Variants in TJP3 observed in about 807,000 individuals in gnomAD.
TJP3 encodes tight junction protein 3.
TJP3 carries 85 observed loss-of-function variants against 104.2 expected under a neutral mutation model. That is an observed-to-expected ratio of 0.82 (90% CI 0.68 to 0.98). TJP3 has a LOEUF of 0.98. TJP3 is among the 50% of genes least tolerant of loss of function. TJP3 has a pLI of 0.00. For synonymous variants in TJP3, 550 were observed against 550.6 expected, an observed-to-expected ratio of 1.00 and a Z score of 0.02; for missense variants, 1,367 against 1,322.8, an observed-to-expected ratio of 1.03 and a Z score of -0.52.
intron 1 of TJP3, among the ~76,000 whole-genome samples, chr19:3,718,838 G>T (rs2036516141): frequency 1.3e-5 from 2 of 152,228 alleles, no homozygotes; most frequent in African/African-American, 4.8e-5. Context: ...GGCCGGTAGG[G>T]AATGATGTGT....
At chr19:3,712,858 A>C (rs2036445662) in intron 1 of TJP3, among the ~76,000 whole-genome samples, 1 of 151,370 alleles carries the variant, frequency 6.6e-6, no homozygotes, top group South Asian at 2.1e-4. Flanking sequence ...CTGGGGTGGG[A>C]GGATCGCTTG....
At chr19:3,733,267 C>G (rs1599154333) in intron 6 of TJP3, among the ~76,000 whole-genome samples, 1 of 152,094 alleles carries the variant, frequency 6.6e-6, no homozygotes. Context: ...AACTCCTGAC[C>G]TCAACTGATC....
intron 1 of TJP3, 93 bp from the exon 2 acceptor site, chr19:3,728,331 A>G (rs751562592): frequency 6.3e-7 from 1 of 1,599,242 alleles, no homozygotes. Flanking sequence ...CAGGCCTGTC[A>G]GAGCTGGACT....
chr19:3,724,438 G>A (rs1204385289), intron 1 of TJP3, among the ~76,000 whole-genome samples: 1 of 152,184 alleles, frequency 6.6e-6, no homozygotes, highest in African/African-American at 2.4e-5. Context: ...CTTGTGGTCT[G>A]CCTGCCTCAG....
rs1599152483 is a variant in TJP3, at chr19:3,730,809, T to G, written c.613+103T>G. On this transcript the variant is annotated intron_variant, in intron 5 of 20. Coordinates refer to ENST00000541714, the MANE Select transcript of TJP3 (RefSeq NM_001267560.2). The surrounding 1 kb of genome is among the most constrained non-coding windows in gnomAD (Gnocchi z 7.3). The stretch of plus-strand genomic sequence containing the variant: ...GATTCTCCTGCCTCAGCCTCCCTGG[T>G]GGCTGGGACTCCAGGCGCCCGCCAC... 7.9e-7 allele frequency: 1 copy of G among 1,259,736 alleles called. No individual in the cohort carries two copies. The highest frequency in any genetic ancestry group is 2.6e-5 in the East Asian group (1 of 38,102). 78.0% of individuals were successfully genotyped at this position (1,259,736 alleles called of 1,614,324 possible). A position where few individuals can be genotyped will look rare whatever the true frequency, so the allele number is the denominator to read the frequency against.
chr19:3,748,268 T>G (rs1399934737), intron 19 of TJP3, among the ~76,000 whole-genome samples, 187 bp downstream of exon 19: 7 of 87,660 alleles, frequency 8.0e-5, no homozygotes, highest in African/African-American at 3.1e-4. Context: ...ACTTGCAGCA[T>G]TTTTTTTTTT....
intron 19 of TJP3, among the ~76,000 whole-genome samples, chr19:3,748,758 G>T (rs1211272138): frequency 6.8e-6 from 1 of 147,856 alleles, no homozygotes; most frequent in Non-Finnish European, 1.5e-5. Context: ...AGTACAGACA[G>T]GGTTTCTCCA....
intron 3 of TJP3, among the ~76,000 whole-genome samples, chr19:3,729,316 A>G (rs2036639167): frequency 6.6e-6 from 1 of 152,192 alleles, no homozygotes; most frequent in Admixed American, 6.6e-5. Flanking sequence ...CTGGGCCCCA[A>G]GTGGCTGACA....
chr19:3,736,778 G>C (rs888661646), intron 11 of TJP3, among the ~76,000 whole-genome samples: 1 of 151,848 alleles, frequency 6.6e-6, no homozygotes, highest in Admixed American at 6.6e-5. Context: ...GTTTCGCCAT[G>C]TTGGCCAGGC....
chr19:3,747,941 G>T lies in TJP3; in HGVS notation c.2470G>T (p.Asp824Tyr). The change falls in exon 19 of 21, where the codon GAC becomes TAC. Residue 824 changes from aspartate to tyrosine, a missense_variant. Physicochemically the swap from Asp to Tyr is radical, Grantham distance 160 (BLOSUM62 -3). Transcript: ENST00000541714. ...GTACACGGATGGCGAGGGCTACACA[G>T]ACGGCGAGGGGGGGCCCTACACGGA... ...GAYTDGEGYT[D>Y]GEGGPYTDVD... 4 of 1,613,178 alleles carry T rather than the reference G, an allele frequency of 2.5e-6. No individual in the cohort carries two copies. Among genetic ancestry groups the T allele is most frequent in the Non-Finnish European group, 3.4e-6 (4 of 1,179,908 alleles).
chr19:3,711,840 T>A (rs1472861773), intron 1 of TJP3, among the ~76,000 whole-genome samples: 3 of 152,124 alleles, frequency 2.0e-5, no homozygotes, highest in Admixed American at 6.6e-5. Context: ...ATTTGTTTCC[T>A]TTCTTTCTTT....
chr19:3,750,279 G>T, intron 20 of TJP3, 95 bp downstream of exon 20: 2 of 1,539,432 alleles, frequency 1.3e-6, no homozygotes, highest in Non-Finnish European at 1.8e-6. Flanking sequence ...TGCCTTCATG[G>T]TGCCCCTAGC....
intron 1 of TJP3, among the ~76,000 whole-genome samples, chr19:3,720,962 C>T (rs1404483866): frequency 7.5e-6 from 1 of 134,094 alleles, no homozygotes; most frequent in Non-Finnish European, 1.5e-5. Flanking sequence ...GACTGGAGTG[C>T]AGTGGCGTGA....
Position 3,750,779 on chromosome 19 carries a change from G to C in TJP3, c.*95G>C, listed in dbSNP as rs570389483. ...AGAACCCACAACCTTACCTCCCTCC[G>C]CCTGGTCTTTAATAAACAGAGTATT... On this transcript the variant is annotated 3_prime_UTR_variant, in exon 21 of 21. Coordinates refer to ENST00000541714, the MANE Select transcript of TJP3 (RefSeq NM_001267560.2). 1 of 1,143,772 alleles carries C rather than the reference G, an allele frequency of 8.7e-7. No individual in the cohort carries two copies. Among genetic ancestry groups the C allele is most frequent in the Non-Finnish European group, 1.3e-6 (1 of 784,960 alleles). The allele number at this position is 1,143,772 out of a possible 1,614,324, so 70.9% of individuals were successfully genotyped here.
intron 1 of TJP3, among the ~76,000 whole-genome samples, chr19:3,713,337 G>A (rs1311587465): frequency 6.6e-6 from 1 of 152,192 alleles, no homozygotes; most frequent in Non-Finnish European, 1.5e-5. Context: ...AACCCATGAC[G>A]CCAGTCTAGT....
rs373427363 is a variant in TJP3 at position 3,746,277 on chromosome 19, T to C, written c.2010+196T>C. On this transcript the variant is annotated intron_variant, in intron 16 of 20. Transcript: ENST00000541714. The surrounding 1 kb of genome is among the most constrained non-coding windows in gnomAD (Gnocchi z 4.1). ...CTCGGAGTCAAACAGCAGCCAGCCC[T>C]GGGCAAAGGCAGAGAGACTCAAGTT... Among the ~76,000 whole-genome samples the C allele has an allele frequency of 6.6e-6, 1 of 152,178 alleles. No individual in the cohort carries two copies. The highest frequency in any genetic ancestry group is 1.9e-4 in the East Asian group (1 of 5,172).
intron 8 of TJP3, among the ~76,000 whole-genome samples, chr19:3,734,881 G>A (rs374144584): frequency 6.6e-6 from 1 of 152,152 alleles, no homozygotes; most frequent in African/African-American, 2.4e-5. Context: ...TTGAACCCAG[G>A]AAATGGAGGT....
intron 1 of TJP3, among the ~76,000 whole-genome samples, chr19:3,727,334 T>A (rs1274136900): frequency 6.7e-6 from 1 of 148,746 alleles, no homozygotes; most frequent in African/African-American, 2.5e-5. Context: ...TTCAAAAAAA[T>A]TAGCTGGGCA....
intron 13 of TJP3, among the ~76,000 whole-genome samples, chr19:3,739,372 C>T (rs1402144731): frequency 6.6e-6 from 1 of 152,222 alleles, no homozygotes; most frequent in Non-Finnish European, 1.5e-5. Context: ...TGCCTATAAT[C>T]CCAGCTTCTT....
Sources: allele counts gnomAD v4.1 joint callset (sites outside exome capture counted in the v4.1 genomes callset), GRCh38; gene constraint gnomAD v4.1.1; non-coding constraint Gnocchi (gnomAD v3.1); transcripts MANE v1.5; gene names NCBI Gene and HGNC (gene_info 2026-07-23, HGNC 2026-07-21).